The following BRCC3 variants were observed in gnomAD, a reference collection of about 807,000 sequenced individuals.
BRCC3 encodes the protein lys-63-specific deubiquitinase BRCC36.
In BRCC3, 15 loss-of-function variants were observed where a neutral mutation model predicts 28.0. The ratio of observed to expected loss-of-function variants is 0.54; its 90% CI spans 0.36 to 0.82. BRCC3 has a LOEUF of 0.82. BRCC3 is among the 40% of genes least tolerant of loss of function. The probability of loss-of-function intolerance (pLI) is 0.01; values close to 1 mark genes in which losing one functional copy is unlikely to be tolerated. For synonymous variants in BRCC3, 66 were observed against 80.3 expected, an observed-to-expected ratio of 0.82 and a Z score of 0.95; for missense variants, 109 against 225.9, an observed-to-expected ratio of 0.48 and a Z score of 3.32.
chrX:155,118,034 T>C (rs1171221431), intron 9 of BRCC3, among the ~76,000 whole-genome samples: 3 of 112,410 alleles, frequency 2.7e-5, no homozygotes, highest in African/African-American at 9.7e-5. Flanking sequence ...AGGTTGGCAA[T>C]TATACTTGCC....
intron 7 of BRCC3, among the ~76,000 whole-genome samples, chrX:155,113,527 C>T (rs782435298): frequency 2.3e-4 from 25 of 110,891 alleles, no homozygotes; most frequent in Non-Finnish European, 3.8e-4. Flanking sequence ...TATAAGACCC[C>T]GAACTACAAA....
At chrX:155,116,914 C>T (rs1368067190) in intron 9 of BRCC3, among the ~76,000 whole-genome samples, 160 bp downstream of exon 9, 1 of 111,979 alleles carries the variant, frequency 8.9e-6, no homozygotes, top group African/African-American at 3.3e-5. Flanking sequence ...CCCAACATTT[C>T]TTGTAAACTC....
intron 9 of BRCC3, among the ~76,000 whole-genome samples, chrX:155,117,958 T>C (rs1370560960): frequency 5.4e-5 from 6 of 111,836 alleles, no homozygotes; most frequent in African/African-American, 9.8e-5. Flanking sequence ...CCTAATACCC[T>C]ACACAAAAAA....
At chrX:155,087,576 A>G (rs2074141737) in intron 5 of BRCC3, among the ~76,000 whole-genome samples, 1 of 111,440 alleles carries the variant, frequency 9.0e-6, no homozygotes, top group African/African-American at 3.3e-5. Context: ...CCACAAAACT[A>G]GATAAAATCC....
At chrX:155,081,916 T>G (rs184723472) in intron 5 of BRCC3, among the ~76,000 whole-genome samples, 90 of 111,575 alleles carry the variant, frequency 8.1e-4, no homozygotes, top group African/African-American at 2.7e-3. Context: ...AACAGAGTAC[T>G]AAAGGGAAAA....
chrX:155,090,124 T>C (rs2074165114), intron 6 of BRCC3, among the ~76,000 whole-genome samples: 2 of 112,245 alleles, frequency 1.8e-5, no homozygotes, highest in Admixed American at 1.9e-4. Flanking sequence ...AGAAGGAGTA[T>C]TATTCCCATT....
chrX:155,085,392 C>T (rs1569560480), intron 5 of BRCC3, among the ~76,000 whole-genome samples: 1 of 112,528 alleles, frequency 8.9e-6, no homozygotes, highest in East Asian at 2.8e-4. Context: ...GGGCCCAGTG[C>T]ATGTGACATT....
intron 3 of BRCC3, among the ~76,000 whole-genome samples, chrX:155,075,253 T>TCAACAAGAAG (rs2074022871): frequency 3.7e-5 from 2 of 53,483 alleles, no homozygotes; most frequent in Non-Finnish European, 5.7e-5. Context: ...ATTTCACCCT[T>TCAACAAGAAG]GTCCCTTCAA....
chrX:155,115,727 G>T (rs782616207), intron 7 of BRCC3, among the ~76,000 whole-genome samples: 15 of 111,880 alleles, frequency 1.3e-4, no homozygotes, highest in African/African-American at 2.0e-4. Flanking sequence ...GCAACTTCTT[G>T]ACTGAAGACA....
chrX:155,093,174 A>T (rs145857388), intron 7 of BRCC3, among the ~76,000 whole-genome samples: 3,152 of 110,861 alleles, frequency 0.028, 110 homozygotes, highest in African/African-American at 0.097. Flanking sequence ...GTACACTTCA[A>T]TCAGAAAGTG....
chrX:155,076,669 T>C (rs2074047004), intron 3 of BRCC3, among the ~76,000 whole-genome samples: 1 of 111,217 alleles, frequency 9.0e-6, no homozygotes. Context: ...TACAATCCAA[T>C]CACCTTTCAC....
chrX:155,089,194 T>A (rs2074157180), intron 5 of BRCC3, 69 bp from the exon 6 acceptor site: 1 of 724,777 alleles, frequency 1.4e-6, no homozygotes, highest in Admixed American at 3.1e-5. Context: ...TTTAAGTCAA[T>A]CTTTAAATCA....
chrX:155,078,765 C>G (rs781947756), intron 5 of BRCC3, 62 bp downstream of exon 5: 150 of 850,563 alleles, frequency 1.8e-4, no homozygotes, highest in Non-Finnish European at 2.2e-5. Flanking sequence ...TTTCCTTTTC[C>G]ATTACATAGG....
intron 7 of BRCC3, among the ~76,000 whole-genome samples, chrX:155,096,676 A>G (rs966255708): frequency 8.9e-6 from 1 of 112,568 alleles, no homozygotes; most frequent in South Asian, 3.6e-4. Flanking sequence ...TTCATATGAA[A>G]CTACAAAAGT....
chrX:155,107,435 A>G (rs2074292156), intron 7 of BRCC3, among the ~76,000 whole-genome samples: 1 of 110,422 alleles, frequency 9.1e-6, no homozygotes, highest in Non-Finnish European at 1.9e-5. Context: ...CCTCAGAATA[A>G]AGCCCCAAAC....
chrX:155,107,242 T>C (rs782667789), intron 7 of BRCC3, among the ~76,000 whole-genome samples: 15 of 111,874 alleles, frequency 1.3e-4, no homozygotes, highest in Non-Finnish European at 2.4e-4. Context: ...ATTATTGATA[T>C]AAATGCTTAA....
At chrX:155,085,983 G>A (rs1406785950) in intron 5 of BRCC3, among the ~76,000 whole-genome samples, 1 of 111,796 alleles carries the variant, frequency 8.9e-6, no homozygotes, top group Non-Finnish European at 1.9e-5. Flanking sequence ...CAAAATGTCT[G>A]AAGCGCTCTC....
At chrX:155,102,948 T>C (rs1163143390) in intron 7 of BRCC3, among the ~76,000 whole-genome samples, 4 of 111,611 alleles carry the variant, frequency 3.6e-5, no homozygotes, top group Admixed American at 9.6e-5. Flanking sequence ...TGTGTGTGTG[T>C]GCGTGTGTGT....
chrX:155,073,541 T>C (rs1557292953), intron 3 of BRCC3, 110 bp downstream of exon 3: 3 of 888,591 alleles, frequency 3.4e-6, no homozygotes, highest in Non-Finnish European at 4.7e-6. Flanking sequence ...AGATATTCTT[T>C]CTAGTAAAAT....
Sources: allele counts gnomAD v4.1 joint callset (sites outside exome capture counted in the v4.1 genomes callset), GRCh38; gene constraint gnomAD v4.1.1; transcripts MANE v1.5; gene names NCBI Gene and HGNC (gene_info 2026-07-23, HGNC 2026-07-21).